NKAIN2: variants seen among roughly 807,000 people sequenced by gnomAD.
NKAIN2 encodes the protein sodium/potassium-transporting ATPase subunit beta-1-interacting protein 2.
Under a neutral mutation model 32.6 loss-of-function variants are expected in NKAIN2, and 14 were observed. The observed-to-expected ratio is 0.43, with a 90% CI of 0.28 to 0.67. NKAIN2 has a LOEUF of 0.67. Among genes scored for constraint, NKAIN2 ranks in the 30% least tolerant of loss-of-function variants. NKAIN2 has a pLI of 0.17. For missense variants in NKAIN2, 198 were observed against 258.3 expected (o/e 0.77, Z 1.60); for synonymous variants, 80 against 87.2 (o/e 0.92, Z 0.46).
rs376031638 is a variant in NKAIN2, at chr6:124,815,542, T to C, written c.536-2845T>C. On this transcript the variant is annotated intron_variant, in intron 5 of 6. Coordinates refer to ENST00000368417, the MANE Select transcript of NKAIN2 (RefSeq NM_001040214.3). ...GCCTCAGCCTCCCACAGTGCTGGGA[T>C]TACAGGCGTGAGCCACGGCACCCAG... Among the ~76,000 whole-genome samples the C allele has an allele frequency of 9.2e-5, 14 of 152,138 alleles. No individual in the cohort carries two copies. In the East Asian group the frequency reaches 2.1e-3, roughly 23 times the overall value.
At chr6:124,293,766 C>A (rs1795922347) in intron 2 of NKAIN2, among the ~76,000 whole-genome samples, 1 of 151,812 alleles carries the variant, frequency 6.6e-6, no homozygotes, top group Non-Finnish European at 1.5e-5. Context: ...TTCTGCATAC[C>A]CTTTTTTGCT....
At chr6:124,719,295 G>T (rs1003197224) in intron 4 of NKAIN2, among the ~76,000 whole-genome samples, 1 of 152,116 alleles carries the variant, frequency 6.6e-6, no homozygotes, top group African/African-American at 2.4e-5. Flanking sequence ...AGAATATATA[G>T]GGAATGTTTC....
intron 5 of NKAIN2, among the ~76,000 whole-genome samples, chr6:124,792,552 T>C (rs1779793698): frequency 6.6e-6 from 1 of 152,156 alleles, no homozygotes. Flanking sequence ...ATTTTACCTG[T>C]AGGAACTTGC....
intron 4 of NKAIN2, among the ~76,000 whole-genome samples, chr6:124,667,501 G>A (rs987560665): frequency 6.6e-6 from 1 of 151,914 alleles, no homozygotes; most frequent in Non-Finnish European, 1.5e-5. Flanking sequence ...TTTTTTGAAA[G>A]ACATTACAAG....
At chr6:123,895,637 G>A (rs1774245387) in intron 1 of NKAIN2, among the ~76,000 whole-genome samples, 1 of 152,180 alleles carries the variant, frequency 6.6e-6, no homozygotes. Context: ...AGGGTGGGGA[G>A]TTAGCCAGAA....
chr6:124,484,303 C>A (rs1161363040), intron 3 of NKAIN2, among the ~76,000 whole-genome samples: 2 of 152,180 alleles, frequency 1.3e-5, no homozygotes, highest in Middle Eastern at 3.2e-3. Flanking sequence ...TGGGGTTCAA[C>A]AACCTTGAAC....
intron 3 of NKAIN2, among the ~76,000 whole-genome samples, chr6:124,568,672 G>T (rs945947796): frequency 2.0e-5 from 3 of 151,792 alleles, no homozygotes; most frequent in African/African-American, 7.3e-5. Flanking sequence ...AAATCCATCA[G>T]TATAGCTCAT....
chr6:124,622,283 C>A (rs1783134658), intron 3 of NKAIN2, among the ~76,000 whole-genome samples: 2 of 152,160 alleles, frequency 1.3e-5, no homozygotes, highest in African/African-American at 4.8e-5. Context: ...CCACTGGATG[C>A]AGACCCTATG....
In NKAIN2 at chr6:124,090,777, T is replaced by C. The variant is rs75577889; in HGVS notation, c.55-192228T>C. On this transcript the variant is annotated intron_variant, in intron 1 of 6. Transcript: ENST00000368417. ...CTCATAAAGTGCTGAGCATATTGCC[T>C]GCACATGTCAGTACATGCTGAACTT... is the stretch of plus-strand genomic sequence containing the variant. 3.0e-3 allele frequency among the ~76,000 whole-genome samples: 464 copies of C among 152,144 alleles called. 2 individuals carry two copies. Among genetic ancestry groups the C allele is most frequent in the African/African-American group, 9.6e-3 (400 of 41,560 alleles).
chr6:124,809,863 A>G lies in NKAIN2; in HGVS notation c.536-8524A>G, dbSNP rs1409139140. 1.2e-4 allele frequency among the ~76,000 whole-genome samples: 18 copies of G among 152,278 alleles called. No homozygotes were observed. The South Asian group carries it at 2.3e-3, about 19-fold the overall frequency. On this transcript the variant is annotated intron_variant, in intron 5 of 6. Transcript: ENST00000368417. ...CTTCTCAAAAGAAGACATTTATACA[A>G]CCAAAAAACACATGAAAAAATGCTC...
chr6:124,561,790 A>G (rs1780701996), intron 3 of NKAIN2, among the ~76,000 whole-genome samples: 2 of 152,232 alleles, frequency 1.3e-5, no homozygotes, highest in Non-Finnish European at 1.5e-5. Flanking sequence ...TTTTGAAAAT[A>G]TACTGGGTGG....
At chr6:124,091,090 C>T (rs1041420182) in intron 1 of NKAIN2, among the ~76,000 whole-genome samples, 2 of 151,758 alleles carry the variant, frequency 1.3e-5, no homozygotes, top group South Asian at 4.2e-4. Flanking sequence ...TTACATAGTC[C>T]ATGTAACCAA....
intron 1 of NKAIN2, among the ~76,000 whole-genome samples, chr6:124,093,450 A>T (rs1448402373): frequency 6.6e-6 from 1 of 152,140 alleles, no homozygotes; most frequent in African/African-American, 2.4e-5. Flanking sequence ...TGCATTAAAT[A>T]AAGTGACATA....
At chr6:124,732,940 G>A (rs1329091229) in intron 4 of NKAIN2, among the ~76,000 whole-genome samples, 1 of 151,880 alleles carries the variant, frequency 6.6e-6, no homozygotes, top group Non-Finnish European at 1.5e-5. Flanking sequence ...TTGAGTAGGT[G>A]AATGGATAAA....
chr6:124,726,489 C>T (rs570523927), intron 4 of NKAIN2, among the ~76,000 whole-genome samples: 3 of 149,954 alleles, frequency 2.0e-5, no homozygotes, highest in East Asian at 3.9e-4. Flanking sequence ...AGACCTGCAG[C>T]TGAGGGTCCT....
intron 3 of NKAIN2, among the ~76,000 whole-genome samples, chr6:124,550,132 G>T (rs547785739): frequency 3.7e-4 from 57 of 152,318 alleles, no homozygotes; most frequent in African/African-American, 1.3e-3. Context: ...TGAAAGTAAA[G>T]AAGAGATATC....
intron 1 of NKAIN2, among the ~76,000 whole-genome samples, chr6:124,130,036 A>G (rs945649980): frequency 2.6e-5 from 4 of 152,232 alleles, no homozygotes; most frequent in Non-Finnish European, 5.9e-5. Context: ...CTAAGTGAAA[A>G]GAGCATTGCT....
At chr6:124,540,818 ATAGGC>A (rs1779884973) in intron 3 of NKAIN2, among the ~76,000 whole-genome samples, 3 of 152,220 alleles carry the variant, frequency 2.0e-5, no homozygotes, top group Non-Finnish European at 4.4e-5. Context: ...TTATTATAAA[ATAGGC>A]TTTGTGTTAG....
chr6:123,909,254 C>A (rs1397252151), intron 1 of NKAIN2, among the ~76,000 whole-genome samples: 3 of 152,034 alleles, frequency 2.0e-5, no homozygotes, highest in African/African-American at 7.2e-5. Flanking sequence ...CTGTGTTTTG[C>A]CTATTTAGCC....
Sources: gnomAD v4.1 joint callset for allele counts (sites outside exome capture counted in the v4.1 genomes callset) on GRCh38, gnomAD v4.1.1 for gene constraint, MANE v1.5 for transcripts, NCBI Gene and HGNC (gene_info 2026-07-23, HGNC 2026-07-21) for gene names.